OR56A3: variants seen among roughly 807,000 people sequenced by gnomAD.
OR56A3 encodes the protein olfactory receptor 56A3.
OR56A3 carries 23 observed loss-of-function variants against 17.5 expected under a neutral mutation model. The ratio of observed to expected loss-of-function variants is 1.32; its 90% CI spans 0.95 to 1.87. The LOEUF is 1.87. Among genes scored for constraint, OR56A3 ranks in the 40% most tolerant of loss-of-function variants. The probability of loss-of-function intolerance (pLI) is 0.00; values close to 1 mark genes in which losing one functional copy is unlikely to be tolerated. For missense variants in OR56A3, 366 were observed against 380.1 expected, an observed-to-expected ratio of 0.96 and a Z score of 0.31; for synonymous variants, 175 against 150.6, an observed-to-expected ratio of 1.16 and a Z score of -1.19.
chr11:5,994,588 G>A, the OR56A3 span: 1 of 841,660 alleles, frequency 1.2e-6, no homozygotes, highest in South Asian at 1.3e-5. Flanking sequence ...GAGTGACATT[G>A]GTGTCATCAA....
chr11:6,007,572 A>G, the OR56A3 span, among the ~76,000 whole-genome samples: 1 of 152,130 alleles, frequency 6.6e-6, no homozygotes, highest in Non-Finnish European at 1.5e-5. Flanking sequence ...CTTTATATAT[A>G]ATTTTATTTT....
chr11:5,962,320 C>G, the OR56A3 span, among the ~76,000 whole-genome samples: 2 of 152,118 alleles, frequency 1.3e-5, no homozygotes, highest in African/African-American at 4.8e-5. Flanking sequence ...TTTCTGCATC[C>G]ATTTTCATCA....
At position 5,948,363 on chromosome 11, in the gene OR56A3, T is replaced by A; in HGVS notation, c.*69T>A. The A allele has an allele frequency of 1.9e-6, 2 of 1,055,870 alleles. No individual in the cohort carries two copies. The highest frequency in any genetic ancestry group is 2.8e-6 in the Non-Finnish European group (2 of 715,442). The allele number at this position is 1,055,870 out of a possible 1,614,324, so 65.4% of individuals were successfully genotyped here. A position where few individuals can be genotyped will look rare whatever the true frequency, so the allele number is the denominator to read the frequency against. ...TTAATCACTTAATGAGTGAGTGGGC[T>A]GAAATTCATATCTGTGACTTATAAC... On this transcript the variant is annotated 3_prime_UTR_variant, in exon 3 of 3. Coordinates refer to ENST00000641160, the MANE Select transcript of OR56A3 (RefSeq NM_001003443.3).
downstream of OR56A3, among the ~76,000 whole-genome samples, chr11:5,951,557 C>T (rs540863675): frequency 6.6e-6 from 1 of 152,150 alleles, no homozygotes; most frequent in Admixed American, 6.5e-5. Context: ...GCTGGTGAGA[C>T]CTTGCATTTT....
At chr11:6,017,345 G>T in the OR56A3 span, among the ~76,000 whole-genome samples, 2 of 152,148 alleles carry the variant, frequency 1.3e-5, no homozygotes, top group African/African-American at 4.8e-5. Flanking sequence ...AGCCAAAAAG[G>T]TATTCTCCAA....
the OR56A3 span, among the ~76,000 whole-genome samples, chr11:6,005,897 AT>A: frequency 2.6e-5 from 4 of 152,186 alleles, no homozygotes; most frequent in Admixed American, 2.0e-4. Context: ...ATTTCAACAT[AT>A]GAATTTTCCG....
the OR56A3 span, among the ~76,000 whole-genome samples, chr11:5,973,484 A>C: frequency 2.0e-5 from 3 of 152,176 alleles, no homozygotes; most frequent in Admixed American, 6.5e-5. Context: ...TACATACTCT[A>C]TCTCCTCCTT....
At chr11:6,002,763 C>T in the OR56A3 span, 1 of 1,613,906 alleles carries the variant, frequency 6.2e-7, no homozygotes, top group Non-Finnish European at 8.5e-7. Context: ...GACGGTGAGG[C>T]AGAGCACGAT....
the OR56A3 span, among the ~76,000 whole-genome samples, chr11:6,006,555 T>C: frequency 6.6e-6 from 1 of 152,226 alleles, no homozygotes; most frequent in African/African-American, 2.4e-5. Context: ...AGCCCAGCTA[T>C]GATTGCCTAG....
the OR56A3 span, chr11:6,002,132 G>A: frequency 6.2e-7 from 1 of 1,614,100 alleles, no homozygotes; most frequent in Non-Finnish European, 8.5e-7. Context: ...TCAGAGCTGG[G>A]GGAATGAGGT....
At chr11:6,002,825 G>A in the OR56A3 span, 129 of 1,613,782 alleles carry the variant, frequency 8.0e-5, no homozygotes, top group Non-Finnish European at 1.0e-4. Flanking sequence ...GGTGCAGAGA[G>A]GCCTCCAGCT....
the OR56A3 span, chr11:6,002,536 C>T: frequency 6.2e-7 from 1 of 1,614,214 alleles, no homozygotes; most frequent in South Asian, 1.1e-5. Flanking sequence ...GCATTCCGGG[C>T]TATAACAAAG....
At chr11:5,968,787 CAA>C in the OR56A3 span, among the ~76,000 whole-genome samples, 1 of 151,464 alleles carries the variant, frequency 6.6e-6, no homozygotes, top group South Asian at 2.1e-4. Flanking sequence ...CTGTAAAATA[CAA>C]AAAAAATTCC....
the OR56A3 span, among the ~76,000 whole-genome samples, chr11:5,962,799 A>G: frequency 6.6e-6 from 1 of 151,800 alleles, no homozygotes; most frequent in Non-Finnish European, 1.5e-5. Context: ...CGGCCTCCCA[A>G]AGTGCTGGGA....
At chr11:5,975,401 C>G in the OR56A3 span, among the ~76,000 whole-genome samples, 1 of 132,394 alleles carries the variant, frequency 7.6e-6, no homozygotes, top group Non-Finnish European at 1.6e-5. Flanking sequence ...TGTTCCCCTT[C>G]CTGTGTCCAT....
chr11:5,978,243 A>G, the OR56A3 span, among the ~76,000 whole-genome samples: 1 of 152,130 alleles, frequency 6.6e-6, no homozygotes, highest in African/African-American at 2.4e-5. Context: ...TCTGTGAAAA[A>G]TGTCATTAGT....
chr11:5,956,981 C>G, the OR56A3 span, among the ~76,000 whole-genome samples: 1 of 152,100 alleles, frequency 6.6e-6, no homozygotes, highest in Admixed American at 6.5e-5. Context: ...CACGGTGAAA[C>G]TCATCTCCAC....
At chr11:5,969,170 T>G in the OR56A3 span, among the ~76,000 whole-genome samples, 2 of 152,194 alleles carry the variant, frequency 1.3e-5, no homozygotes. Flanking sequence ...ACAAGTGCAA[T>G]TCAATGTTCC....
At chr11:5,965,396 CAAATCAGTATGCCTGGAACATAAATAA>C in the OR56A3 span, among the ~76,000 whole-genome samples, 2 of 152,176 alleles carry the variant, frequency 1.3e-5, no homozygotes, top group African/African-American at 4.8e-5. Flanking sequence ...TACCCGTGGC[CAAATCAGTATGCCTGGAACATAAATAA>C]AAATCAGTGT....
Sources: allele counts gnomAD v4.1 joint callset (sites outside exome capture counted in the v4.1 genomes callset), GRCh38; gene constraint gnomAD v4.1.1; transcripts MANE v1.5; gene names NCBI Gene and HGNC (gene_info 2026-07-23, HGNC 2026-07-21).